The following FUT2 variants were observed in gnomAD, a reference collection of about 807,000 sequenced individuals.
FUT2 encodes galactoside alpha-(1,2)-fucosyltransferase 2.
For synonymous variants in FUT2, 182 were observed against 193.1 expected (o/e 0.94, Z 0.48); for missense variants, 419 against 465.8 (o/e 0.90, Z 0.93).
chr19:48,702,965 C>G lies in FUT2; in HGVS notation c.9C>G (p.Val3=). 6.2e-7 allele frequency: 1 copy of G among 1,613,116 alleles called. No homozygotes were observed. The highest frequency in any genetic ancestry group is 8.5e-7 in the Non-Finnish European group (1 of 1,180,028). The part of the protein sequence containing the change: ML[V]VQMPFSFPMA... ...TTCCTCCCCTGACAGCCATGCTGGTCGTTCAGATGCCTTTCTCCTTTCCCA... is the reference window on the plus strand; with the variant it reads ...TTCCTCCCCTGACAGCCATGCTGGTGGTTCAGATGCCTTTCTCCTTTCCCA... Residue 3 remains valine (V), a synonymous_variant, in exon 2 of 2, where the codon GTC becomes GTG. Coordinates refer to ENST00000425340, the MANE Select transcript of FUT2 (RefSeq NM_000511.6).
chr19:48,704,222 G>A lies in FUT2; in HGVS notation c.*234G>A. 1 of 565,686 alleles carries A rather than the reference G, an allele frequency of 1.8e-6. No individual in the cohort carries two copies. The highest frequency in any genetic ancestry group is 3.3e-6 in the Non-Finnish European group (1 of 307,444). 35.0% of individuals were successfully genotyped at this position (565,686 alleles called of 1,614,324 possible). On this transcript the variant is annotated 3_prime_UTR_variant, in exon 2 of 2. Coordinates refer to ENST00000425340, the MANE Select transcript of FUT2 (RefSeq NM_000511.6). ...GGATCACTTGAGGTCAGGAGTTCAA[G>A]ACTAGCCTGGCCAACATGGTGAAAC...
Position 48,703,915 on chromosome 19 carries a change from T to G in FUT2, c.959T>G (p.Phe320Cys). ...TLPDSPFLKI[F>C]KPEAAFLPEW... ...CCCGACTCCCCTTTCCTCAAAATCT[T>G]TAAGCCAGAGGCAGCCTTCCTGCCG... The change falls in exon 2 of 2, where the codon TTT (phenylalanine) becomes TGT (cysteine). Residue 320 changes from phenylalanine to cysteine, a missense_variant. Phe to Cys is a radical substitution (Grantham distance 205, BLOSUM62 -2). Coordinates refer to ENST00000425340, the MANE Select transcript of FUT2 (RefSeq NM_000511.6). 6.2e-7 allele frequency: 1 copy of G among 1,613,574 alleles called. No individual in the cohort carries two copies. The highest frequency in any genetic ancestry group is 8.5e-7 in the Non-Finnish European group (1 of 1,179,990).
rs376091266 is a variant in FUT2 at position 48,703,245 on chromosome 19, G to A, written c.289G>A (p.Ala97Thr). The A allele has an allele frequency of 1.2e-6, 2 of 1,612,914 alleles. No individual in the cohort carries two copies. The highest frequency in any genetic ancestry group is 1.7e-5 in the Admixed American group (1 of 59,980). The stretch of plus-strand genomic sequence containing the variant: ...GAACGGGCGGCCCGCCTTCATCCCG[G>A]CCCAGATGCACAGCACCCTGGCCCC... ...KMNGRPAFIP[A>T]QMHSTLAPIF... Residue 97 changes from alanine (A) to threonine (T), a missense_variant, in exon 2 of 2, where the codon GCC (alanine) becomes ACC (threonine). Transcript: ENST00000425340.
In FUT2 at chr19:48,705,831, T is replaced by C. The variant is rs772690444; in HGVS notation, c.*1843T>C. ...TTGCTTGATGCCAGGAGTTAGGGAATATAGTGCACCGTGATTGGACTTGCG... is the reference window on the plus strand; with the variant it reads ...TTGCTTGATGCCAGGAGTTAGGGAACATAGTGCACCGTGATTGGACTTGCG... On this transcript the variant is annotated 3_prime_UTR_variant, in exon 2 of 2. Transcript: ENST00000425340. 2 of 166,096 alleles carry C rather than the reference T, an allele frequency of 1.2e-5. No homozygotes were observed. Among genetic ancestry groups the C allele is most frequent in the Non-Finnish European group, 2.9e-5 (2 of 67,974 alleles). The allele number at this position is 166,096 out of a possible 1,614,324, so 10.3% of individuals were successfully genotyped here. A position where few individuals can be genotyped will look rare whatever the true frequency, so the allele number is the denominator to read the frequency against.
Position 48,704,391 on chromosome 19 carries a change from C to A in FUT2, c.*403C>A. 3.5e-6 allele frequency: 1 copy of A among 289,026 alleles called. No individual in the cohort carries two copies. The highest frequency in any genetic ancestry group is 6.4e-6 in the Non-Finnish European group (1 of 155,442). The allele number at this position is 289,026 out of a possible 1,614,324, so 17.9% of individuals were successfully genotyped here. ...GAGCCAAGATGGTGCCGCTGCACTC[C>A]AGTCTGGGTGACACAGCAAGACTCC... On this transcript the variant is annotated 3_prime_UTR_variant, in exon 2 of 2. Coordinates refer to ENST00000425340, the MANE Select transcript of FUT2 (RefSeq NM_000511.6).
In FUT2 at chr19:48,703,067, C is replaced by T. The variant is rs1354567477; in HGVS notation, c.111C>T (p.Ala37=). The part of the protein sequence containing the change: ...HVQQRLAKIQ[A]MWELPVQIPV... ...AGCAGCGGCTAGCGAAGATTCAAGCCATGTGGGAGTTACCGGTGCAGATAC... is the reference window on the plus strand; with the variant it reads ...AGCAGCGGCTAGCGAAGATTCAAGCTATGTGGGAGTTACCGGTGCAGATAC... The change falls in exon 2 of 2, where the codon GCC becomes GCT. Residue 37 remains alanine, a synonymous_variant. Coordinates refer to ENST00000425340, the MANE Select transcript of FUT2 (RefSeq NM_000511.6). The T allele has an allele frequency of 1.9e-6, 3 of 1,613,118 alleles. No homozygotes were observed. In the African/African-American group the frequency reaches 4.0e-5, roughly 22 times the overall value.
At chr19:48,702,884 C>A in intron 1 of FUT2, 71 bp from the exon 2 acceptor site, 1 of 1,427,894 alleles carries the variant, frequency 7.0e-7, no homozygotes, top group Non-Finnish European at 9.8e-7. Context: ...CACACCACCG[C>A]ATGGCCACGT....
Position 48,705,107 on chromosome 19 carries a change from TTTTC to T in FUT2, c.*1123_*1126del, listed in dbSNP as rs1450724398. Reference sequence around the variant, plus strand: ...AGCTCACTGTTTTCTTTTCTTTTTCTTTTCTTTTTTTTTTTTTTTTTGAGATGGA... The same window carrying T: ...AGCTCACTGTTTTCTTTTCTTTTTCTTTTTTTTTTTTTTTTTTGAGATGGA... On this transcript the variant is annotated 3_prime_UTR_variant, in exon 2 of 2. Coordinates refer to ENST00000425340, the MANE Select transcript of FUT2 (RefSeq NM_000511.6). The T allele has an allele frequency of 1.3e-4, 24 of 185,348 alleles. 1 individual carries two copies. The highest frequency in any genetic ancestry group is 1.8e-4 in the Non-Finnish European group (16 of 90,304). 11.5% of individuals were successfully genotyped at this position (185,348 alleles called of 1,614,324 possible).
Position 48,705,907 on chromosome 19 carries a change from T to G in FUT2, c.*1919T>G, listed in dbSNP as rs963170978. On this transcript the variant is annotated 3_prime_UTR_variant, in exon 2 of 2. Coordinates refer to ENST00000425340, the MANE Select transcript of FUT2 (RefSeq NM_000511.6). ...CGACGTAGTGATACCCTGACTCTTA[T>G]AAATAAATAAATGAATAAACACAAT... is the stretch of plus-strand genomic sequence containing the variant. The G allele has an allele frequency of 6.0e-6, 1 of 165,872 alleles. No homozygotes were observed. The highest frequency in any genetic ancestry group is 1.5e-5 in the Non-Finnish European group (1 of 67,910). 10.3% of individuals were successfully genotyped at this position (165,872 alleles called of 1,614,324 possible).
chr19:48,703,682 C>A lies in FUT2; in HGVS notation c.726C>A (p.Thr242=). 1.2e-6 allele frequency: 2 copies of A among 1,613,666 alleles called. No individual in the cohort carries two copies. Among genetic ancestry groups the A allele is most frequent in the Non-Finnish European group, 8.5e-7 (1 of 1,180,042 alleles). The part of the protein sequence containing the change: ...ARYSSLIFVV[T]SNGMAWCREN... ...ACAGCTCCCTCATCTTCGTGGTCAC[C>A]AGTAATGGCATGGCCTGGTGTCGGG... The change falls in exon 2 of 2, where the codon ACC becomes ACA. Residue 242 remains threonine, a synonymous_variant. Transcript: ENST00000425340.
In FUT2 at chr19:48,705,083, G is replaced by T; in HGVS notation, c.*1095G>T. ...CCTTGGCATTGTGTCCACCCAGAGA[G>T]CTCACTGTTTTCTTTTCTTTTTCTT... is the stretch of plus-strand genomic sequence containing the variant. On this transcript the variant is annotated 3_prime_UTR_variant, in exon 2 of 2. Coordinates refer to ENST00000425340, the MANE Select transcript of FUT2 (RefSeq NM_000511.6). 3.5e-6 allele frequency: 1 copy of T among 289,592 alleles called. No individual in the cohort carries two copies. Among genetic ancestry groups the T allele is most frequent in the Non-Finnish European group, 6.7e-6 (1 of 150,134 alleles). 17.9% of individuals were successfully genotyped at this position (289,592 alleles called of 1,614,324 possible).
Position 48,705,511 on chromosome 19 carries a change from A to G in FUT2, c.*1523A>G, listed in dbSNP as rs1163535702. 6.0e-6 allele frequency: 1 copy of G among 167,106 alleles called. No homozygotes were observed. The highest frequency in any genetic ancestry group is 2.4e-5 in the African/African-American group (1 of 41,442). The allele number at this position is 167,106 out of a possible 1,614,324, so 10.4% of individuals were successfully genotyped here. A position where few individuals can be genotyped will look rare whatever the true frequency, so the allele number is the denominator to read the frequency against. Reference sequence around the variant, plus strand: ...TTGTAGCTGGCATGCATCCAAGTCCATAGGTCCTGCCTCTTCAATCCTGGC... The same window carrying G: ...TTGTAGCTGGCATGCATCCAAGTCCGTAGGTCCTGCCTCTTCAATCCTGGC... On this transcript the variant is annotated 3_prime_UTR_variant, in exon 2 of 2. Transcript: ENST00000425340.
At position 48,704,084 on chromosome 19, in the gene FUT2, T is replaced by C. The variant is rs2032588196; in HGVS notation, c.*96T>C. ...CACATGGTTCCATGAGCAGGACCCA[T>C]CTCTCTTCTGTGAAGATGCGTTGGG... On this transcript the variant is annotated 3_prime_UTR_variant, in exon 2 of 2. Coordinates refer to ENST00000425340, the MANE Select transcript of FUT2 (RefSeq NM_000511.6). The C allele has an allele frequency of 1.7e-6, 2 of 1,171,064 alleles. No individual in the cohort carries two copies. Among genetic ancestry groups the C allele is most frequent in the African/African-American group, 3.0e-5 (2 of 66,528 alleles). The allele number at this position is 1,171,064 out of a possible 1,614,324, so 72.5% of individuals were successfully genotyped here.
chr19:48,703,860 G>A lies in FUT2; in HGVS notation c.904G>A (p.Asp302Asn), dbSNP rs1444950571. The A allele has an allele frequency of 5.6e-6, 9 of 1,613,502 alleles. No individual in the cohort carries two copies. The highest frequency in any genetic ancestry group is 7.6e-6 in the Non-Finnish European group (9 of 1,180,024). The change falls in exon 2 of 2, where the codon GAC (aspartate) becomes AAC (asparagine). Residue 302 changes from aspartate to asparagine, a missense_variant. Asp to Asn is a conservative substitution (Grantham distance 23). Coordinates refer to ENST00000425340, the MANE Select transcript of FUT2 (RefSeq NM_000511.6). ...GIWAAYLTGG[D>N]TIYLANYTLP... ...CTGGGCCGCATACCTCACGGGCGGA[G>A]ACACCATCTACCTGGCCAATTACAC... is the stretch of plus-strand genomic sequence containing the variant.
chr19:48,696,509 T>A (rs2032413309), intron 1 of FUT2: 1 of 152,296 alleles, frequency 6.6e-6, no homozygotes, highest in South Asian at 2.1e-4. Context: ...AGAGGCTTCA[T>A]GGAACCCAAA....
In FUT2 at chr19:48,705,102, T is replaced by TTTTC; in HGVS notation, c.*1118_*1121dup. ...CAGAGAGCTCACTGTTTTCTTTTCT[T>TTTTC]TTTCTTTTCTTTTTTTTTTTTTTTT... On this transcript the variant is annotated 3_prime_UTR_variant, in exon 2 of 2. Coordinates refer to ENST00000425340, the MANE Select transcript of FUT2 (RefSeq NM_000511.6). 1 of 239,756 alleles carries TTTTC rather than the reference T, an allele frequency of 4.2e-6. No homozygotes were observed. Among genetic ancestry groups the TTTTC allele is most frequent in the Non-Finnish European group, 8.4e-6 (1 of 119,620 alleles). 14.9% of individuals were successfully genotyped at this position (239,756 alleles called of 1,614,324 possible). A position where few individuals can be genotyped will look rare whatever the true frequency, so the allele number is the denominator to read the frequency against.
Position 48,703,773 on chromosome 19 carries a change from A to G in FUT2, c.817A>G (p.Lys273Glu). The G allele has an allele frequency of 6.2e-7, 1 of 1,613,650 alleles. No homozygotes were observed. Among genetic ancestry groups the G allele is most frequent in the Non-Finnish European group, 8.5e-7 (1 of 1,180,028 alleles). Residue 273 changes from lysine (K) to glutamate (E), a missense_variant, in exon 2 of 2, where the codon AAA (lysine) becomes GAA (glutamate). Physicochemically the swap from Lys to Glu is moderately conservative, Grantham distance 56. Transcript: ENST00000425340. Reference protein sequence around the residue: ...AGDGIEGSPAKDFALLTQCNH... With the variant: ...AGDGIEGSPAEDFALLTQCNH... ...CGATGGCATTGAGGGCTCACCTGCC[A>G]AAGATTTTGCTCTACTCACACAGTG...
In FUT2 at chr19:48,703,364, A is replaced by G. The variant is rs1800026; in HGVS notation, c.408A>G (p.Glu136=). The G allele has an allele frequency of 1.7e-3, 2,723 of 1,611,408 alleles. 29 individuals carry two copies. In the African/African-American group the frequency reaches 0.02, roughly 12 times the overall value. The change falls in exon 2 of 2, where the codon GAA becomes GAG. Residue 136 remains glutamate (E), a synonymous_variant. Coordinates refer to ENST00000425340, the MANE Select transcript of FUT2 (RefSeq NM_000511.6). The part of the protein sequence containing the change: ...NYHLNDWMEE[E]YRHIPGEYVR... ...ACCTGAACGACTGGATGGAGGAGGA[A>G]TACCGCCACATCCCGGGGGAGTACG...
chr19:48,697,201 C>A (rs1298584423), intron 1 of FUT2, among the ~76,000 whole-genome samples: 1 of 151,646 alleles, frequency 6.6e-6, no homozygotes, highest in Non-Finnish European at 1.5e-5. Context: ...CAAAATTAGC[C>A]AGGCGTGGTG....
Sources: gnomAD v4.1 joint callset for allele counts (sites outside exome capture counted in the v4.1 genomes callset) on GRCh38, gnomAD v4.1.1 for gene constraint, MANE v1.5 for transcripts, NCBI Gene and HGNC (gene_info 2026-07-23, HGNC 2026-07-21) for gene names.